PLEC: variants seen among roughly 807,000 people sequenced by gnomAD.
PLEC encodes the protein hemidesmosomal protein 1.
PLEC carries 216 observed loss-of-function variants against 392.8 expected under a neutral mutation model. The ratio of observed to expected loss-of-function variants is 0.55; its 90% CI spans 0.49 to 0.62. The LOEUF is 0.62. PLEC is among the 20% of genes least tolerant of loss of function. PLEC has a pLI of 0.00. For synonymous variants in PLEC, 3,621 were observed against 2,980.6 expected, an observed-to-expected ratio of 1.21 and a Z score of -7.00; for missense variants, 6,863 against 6,563.4, an observed-to-expected ratio of 1.05 and a Z score of -1.58.
At chr8:143,959,420 C>T (rs782252345) in intron 1 of PLEC, among the ~76,000 whole-genome samples, 6 of 152,270 alleles carry the variant, frequency 3.9e-5, no homozygotes, top group Non-Finnish European at 8.8e-5. Flanking sequence ...ATGCAGGGAA[C>T]GCCCCGGCTC....
At position 143,917,653 on chromosome 8, in the gene PLEC, C is replaced by T; in HGVS notation, c.12168G>A (p.Glu4056=). The T allele has an allele frequency of 6.2e-7, 1 of 1,613,652 alleles. No homozygotes were observed. The highest frequency in any genetic ancestry group is 8.5e-7 in the Non-Finnish European group (1 of 1,180,018). The change falls in exon 32 of 32, where the codon GAG becomes GAA. Residue 4056 remains glutamate, a synonymous_variant. Transcript: ENST00000345136. ...QIATGGIIDP[E]ESHRLPVEVA... is the part of the protein sequence containing the mutation. ...CCTCCACGGGCAGCCGGTGGCTCTC[C>T]TCAGGGTCGATGATGCCGCCCGTGG...
chr8:143,976,731 C>T (rs375509156), upstream of PLEC: 1 of 151,836 alleles, frequency 6.6e-6, no homozygotes, highest in East Asian at 1.9e-4. Flanking sequence ...TCAGCTCTGC[C>T]GCCGCAGCCA....
At chr8:143,958,548 A>C, upstream of PLEC, 1 of 381,896 alleles carries the variant, frequency 2.6e-6, no homozygotes, top group Non-Finnish European at 5.6e-6. This position sits in a 1 kb window ranked among gnomAD's most constrained non-coding sequence, Gnocchi z 4.9. Flanking sequence ...CCTGGCCACC[A>C]CCCTTTCACC....
At chr8:143,931,740 CG>C (rs1376205400) in intron 18 of PLEC, 81 bp from the exon 19 acceptor site, 13 of 1,551,206 alleles carry the variant, frequency 8.4e-6, no homozygotes, top group African/African-American at 1.4e-5. Flanking sequence ...AGGCCCAAGA[CG>C]GGGGCACTGA....
chr8:143,948,640 G>A (rs923670970), intron 1 of PLEC, among the ~76,000 whole-genome samples: 1 of 152,232 alleles, frequency 6.6e-6, no homozygotes, highest in African/African-American at 2.4e-5. Flanking sequence ...GCTTTGGGGG[G>A]ACTGAGTCAC....
upstream of PLEC, chr8:143,953,696 C>G (rs1364351156): frequency 6.2e-7 from 1 of 1,604,768 alleles, no homozygotes. Context: ...GTCCGCGCCC[C>G]CCGGCTCGGG....
At chr8:143,974,038 C>T (rs1193829450), upstream of PLEC, among the ~76,000 whole-genome samples, 9 of 152,198 alleles carry the variant, frequency 5.9e-5, no homozygotes, top group African/African-American at 2.2e-4. The surrounding 1 kb of genome is among the most constrained non-coding windows in gnomAD (Gnocchi z 5.9). Context: ...TCTTTCCACC[C>T]ATCAGATTGG....
At chr8:143,958,744 C>A, upstream of PLEC, 1 of 406,474 alleles carries the variant, frequency 2.5e-6, no homozygotes, top group Non-Finnish European at 5.2e-6. The surrounding 1 kb of genome is among the most constrained non-coding windows in gnomAD (Gnocchi z 4.9). Context: ...GGAGAGGCTT[C>A]TCACCTGATC....
rs200251264 is a variant in PLEC, at chr8:143,931,522, C to T, written c.2304+12G>A. The T allele has an allele frequency of 3.4e-5, 53 of 1,581,038 alleles. No homozygotes were observed. The African/African-American group carries it at 3.8e-4, about 11-fold the overall frequency. ...CCCCTCCTGACACGCCCCTGCACACCCCCTCCCTCACCTGGGCATCCTGCA... is the reference window on the plus strand; with the variant it reads ...CCCCTCCTGACACGCCCCTGCACACTCCCTCCCTCACCTGGGCATCCTGCA... On this transcript the variant is annotated intron_variant, in intron 19 of 31. Coordinates refer to ENST00000345136, the MANE Select transcript of PLEC (RefSeq NM_201384.3).
rs1820408011 is a variant in PLEC, at chr8:143,916,088, G to C, written c.*89C>G. 2.3e-6 allele frequency: 2 copies of C among 855,150 alleles called. No homozygotes were observed. Among genetic ancestry groups the C allele is most frequent in the South Asian group, 3.6e-5 (2 of 54,834 alleles). 53.0% of individuals were successfully genotyped at this position (855,150 alleles called of 1,614,324 possible). A position where few individuals can be genotyped will look rare whatever the true frequency, so the allele number is the denominator to read the frequency against. On this transcript the variant is annotated 3_prime_UTR_variant, in exon 32 of 32. Transcript: ENST00000345136. Reference sequence around the variant, plus strand: ...TTAAACTTTAGGCACCACTTGGGAGGAAGACACCTTTAAGCGTTGAAAACG... The same window carrying C: ...TTAAACTTTAGGCACCACTTGGGAGCAAGACACCTTTAAGCGTTGAAAACG...
rs782156696 is a variant in PLEC, at chr8:143,931,602, G to C, written c.2236C>G (p.Arg746Gly). Residue 746 changes from arginine (R) to glycine (G), a missense_variant, in exon 19 of 32, where the codon CGT becomes GGT. Arg to Gly is a moderately radical substitution (Grantham distance 125, BLOSUM62 -2). Transcript: ENST00000345136. ...GQLQKLQEALRRKYSCDRSAT... is the reference protein window; with the variant it reads ...GQLQKLQEALGRKYSCDRSAT... ...GAGCGATCACAACTGTATTTCCTAC[G>C]CAGTGCCTCCTGCAGCTTCTGCAAC... 5 of 1,600,200 alleles carry C rather than the reference G, an allele frequency of 3.1e-6. No homozygotes were observed. The African/African-American group carries it at 5.4e-5, about 17-fold the overall frequency.
upstream of PLEC, among the ~76,000 whole-genome samples, chr8:143,955,260 T>C (rs1193993211): frequency 1.3e-5 from 2 of 152,116 alleles, no homozygotes; most frequent in Non-Finnish European, 2.9e-5. Flanking sequence ...GTGGACCACT[T>C]GAGGTCAGGA....
At chr8:143,952,735 C>T (rs538702152), upstream of PLEC, among the ~76,000 whole-genome samples, 3 of 152,326 alleles carry the variant, frequency 2.0e-5, no homozygotes, top group South Asian at 2.1e-4. Context: ...TTCTCTCCTA[C>T]ACAGGCCTGC....
chr8:143,933,484 T>G, intron 12 of PLEC, 133 bp from the exon 13 acceptor site: 2 of 1,047,012 alleles, frequency 1.9e-6, no homozygotes, highest in Non-Finnish European at 2.9e-6. Context: ...GTCCTTCCCC[T>G]TCCCTCCCTG....
At chr8:143,952,100 A>G (rs1832215242), upstream of PLEC, among the ~76,000 whole-genome samples, 2 of 152,156 alleles carry the variant, frequency 1.3e-5, no homozygotes, top group South Asian at 2.1e-4. Flanking sequence ...GGCGCTGGCC[A>G]GCAGCCGGCA....
At position 143,924,007 on chromosome 8, in the gene PLEC, C is replaced by T; in HGVS notation, c.5922G>A (p.Gln1974=). ...QAELEAARQR[Q]LAAEEERRRR... Reference sequence around the variant, plus strand: ...GCCGCCGCTCCTCCTCCGCCGCCAGCTGCCGCTGCCTCGCAGCCTCCAGCT... The same window carrying T: ...GCCGCCGCTCCTCCTCCGCCGCCAGTTGCCGCTGCCTCGCAGCCTCCAGCT... The change falls in exon 31 of 32, where the codon CAG becomes CAA. Residue 1974 remains glutamine, a synonymous_variant. Coordinates refer to ENST00000345136, the MANE Select transcript of PLEC (RefSeq NM_201384.3). The T allele has an allele frequency of 6.3e-7, 1 of 1,586,822 alleles. No individual in the cohort carries two copies. Among genetic ancestry groups the T allele is most frequent in the Non-Finnish European group, 8.5e-7 (1 of 1,172,170 alleles).
chr8:143,938,397 C>T (rs1554725492), intron 2 of PLEC, 157 bp from the exon 3 acceptor site: 1 of 1,535,596 alleles, frequency 6.5e-7, no homozygotes, highest in South Asian at 1.2e-5. Context: ...ACGGAGGCAC[C>T]TACCTCTGCC....
At chr8:143,946,409 A>AT in intron 1 of PLEC, 2 of 1,287,098 alleles carry the variant, frequency 1.6e-6, no homozygotes, top group Non-Finnish European at 2.0e-6. Flanking sequence ...CACACAGGCC[A>AT]GGCTGCTCCG....
exon 1 of PLEC, chr8:143,950,859 G>A (rs1198155647): frequency 2.8e-6 from 4 of 1,426,368 alleles, no homozygotes; most frequent in Non-Finnish European, 3.7e-6. Context: ...GGGGTGCTGA[G>A]CGTGAGGGCG....
Sources: allele counts gnomAD v4.1 joint callset (sites outside exome capture counted in the v4.1 genomes callset), GRCh38; gene constraint gnomAD v4.1.1; non-coding constraint Gnocchi (gnomAD v3.1); transcripts MANE v1.5; gene names NCBI Gene and HGNC (gene_info 2026-07-23, HGNC 2026-07-21).